Variants in IMMP2L observed in about 807,000 individuals in gnomAD.
IMMP2L encodes the protein inner mitochondrial membrane peptidase subunit 2.
Under a neutral mutation model 19.3 loss-of-function variants are expected in IMMP2L, and 18 were observed. The ratio of observed to expected loss-of-function variants is 0.93; its 90% CI spans 0.64 to 1.38. The LOEUF is 1.38. IMMP2L is among the 40% of genes most tolerant of loss of function. IMMP2L has a pLI of 0.00. For missense variants in IMMP2L, 233 were observed against 218.2 expected (o/e 1.07, Z -0.43); for synonymous variants, 76 against 73.0 (o/e 1.04, Z -0.21).
At chr7:111,322,490 A>G (rs187900958) in intron 3 of IMMP2L, among the ~76,000 whole-genome samples, 1 of 151,974 alleles carries the variant, frequency 6.6e-6, no homozygotes, top group Admixed American at 6.6e-5. Context: ...AAGGAACAGC[A>G]TAAGAATTCT....
chr7:111,408,540 A>G lies in IMMP2L; in HGVS notation c.239+78698T>C, dbSNP rs771239698. Among the ~76,000 whole-genome samples the G allele has an allele frequency of 3.4e-4, 52 of 151,788 alleles. 1 individual carries two copies. The highest frequency in any genetic ancestry group is 6.9e-4 in the Non-Finnish European group (47 of 67,898). On this transcript the variant is annotated intron_variant, in intron 3 of 5. Transcript: ENST00000405709. Reference sequence around the variant, plus strand: ...TGCATCATATCACAGAACTGCAAGCATATCATTTTGTTCCTGTAACTGAAA... The same window carrying G: ...TGCATCATATCACAGAACTGCAAGCGTATCATTTTGTTCCTGTAACTGAAA...
chr7:110,933,683 T>G (rs1409258521), intron 4 of IMMP2L, among the ~76,000 whole-genome samples: 2 of 152,178 alleles, frequency 1.3e-5, no homozygotes, highest in Non-Finnish European at 2.9e-5. Flanking sequence ...TCTCAAATCT[T>G]AATCCATGGA....
At chr7:110,720,492 T>TG (rs1795499539) in intron 5 of IMMP2L, among the ~76,000 whole-genome samples, 1 of 152,004 alleles carries the variant, frequency 6.6e-6, no homozygotes, top group African/African-American at 2.4e-5. Context: ...TGTCATAACT[T>TG]TGTGAGGTTT....
intron 5 of IMMP2L, among the ~76,000 whole-genome samples, chr7:110,732,304 A>G (rs1796322748): frequency 6.6e-6 from 1 of 152,232 alleles, no homozygotes; most frequent in Non-Finnish European, 1.5e-5. Context: ...TATTTCTTCC[A>G]TTGATTATTA....
At chr7:111,177,328 T>A (rs1807187693) in intron 3 of IMMP2L, among the ~76,000 whole-genome samples, 1 of 151,968 alleles carries the variant, frequency 6.6e-6, no homozygotes, top group South Asian at 2.1e-4. Context: ...CAGAGATGCA[T>A]ACTACATGCC....
intron 2 of IMMP2L, 45 bp from the exon 3 acceptor site, chr7:111,487,386 C>T (rs1389512538): frequency 8.7e-7 from 1 of 1,145,472 alleles, no homozygotes; most frequent in South Asian, 1.2e-5. Context: ...TTGTATTTTT[C>T]AATCTTCATG....
At chr7:111,556,984 C>T (rs1791441404) in intron 1 of IMMP2L, among the ~76,000 whole-genome samples, 2 of 152,078 alleles carry the variant, frequency 1.3e-5, no homozygotes, top group African/African-American at 2.4e-5. Flanking sequence ...TACCTTCTTC[C>T]TCTTCTCTTT....
At chr7:110,885,496 A>G (rs1345833392) in intron 5 of IMMP2L, among the ~76,000 whole-genome samples, 2 of 151,904 alleles carry the variant, frequency 1.3e-5, no homozygotes, top group African/African-American at 4.8e-5. Context: ...ATTATAAGCT[A>G]TTGCAGGGAT....
In IMMP2L at chr7:111,071,732, G is replaced by C. The variant is rs540187564; in HGVS notation, c.240-108167C>G. Among the ~76,000 whole-genome samples the C allele has an allele frequency of 5.3e-5, 8 of 152,196 alleles. No homozygotes were observed. The South Asian group carries it at 1.7e-3, about 32-fold the overall frequency. On this transcript the variant is annotated intron_variant, in intron 3 of 5. Transcript: ENST00000405709. ...TAGTTGCCAAGAGCAAGGGGAAAGGGAGAACAGGAAATAACTGCTTAATGG... is the reference window on the plus strand; with the variant it reads ...TAGTTGCCAAGAGCAAGGGGAAAGGCAGAACAGGAAATAACTGCTTAATGG...
At chr7:111,130,216 G>A (rs1016981914) in intron 3 of IMMP2L, among the ~76,000 whole-genome samples, 1 of 152,014 alleles carries the variant, frequency 6.6e-6, no homozygotes, top group African/African-American at 2.4e-5. Flanking sequence ...ATGTCAATAC[G>A]ACTTTTTCTT....
intron 3 of IMMP2L, among the ~76,000 whole-genome samples, chr7:111,180,145 C>T (rs1254578639): frequency 6.6e-6 from 1 of 152,038 alleles, no homozygotes; most frequent in East Asian, 1.9e-4. Flanking sequence ...CCTTCAAGAA[C>T]TTATCCTTTG....
At chr7:110,713,661 T>G (rs1019816246) in intron 5 of IMMP2L, among the ~76,000 whole-genome samples, 5 of 151,782 alleles carry the variant, frequency 3.3e-5, no homozygotes, top group African/African-American at 1.2e-4. Context: ...TGTTTTTTTT[T>G]TTTTTTAGTT....
chr7:111,233,501 TTAAA>T (rs1478094372), intron 3 of IMMP2L, among the ~76,000 whole-genome samples: 1 of 152,062 alleles, frequency 6.6e-6, no homozygotes, highest in East Asian at 1.9e-4. Context: ...ATTTCTGGTA[TTAAA>T]TGAATGAAAA....
intron 3 of IMMP2L, among the ~76,000 whole-genome samples, chr7:111,206,126 T>C (rs1256458508): frequency 6.6e-6 from 1 of 152,174 alleles, no homozygotes. Context: ...AAACCCTATC[T>C]TATTCTTACA....
At chr7:110,812,087 T>C (rs1389965201) in intron 5 of IMMP2L, among the ~76,000 whole-genome samples, 1 of 152,064 alleles carries the variant, frequency 6.6e-6, no homozygotes, top group Non-Finnish European at 1.5e-5. Flanking sequence ...TATAGATACA[T>C]ATATCCACAT....
chr7:111,475,656 T>G (rs1841652116), intron 3 of IMMP2L, among the ~76,000 whole-genome samples: 1 of 152,052 alleles, frequency 6.6e-6, no homozygotes, highest in Non-Finnish European at 1.5e-5. Flanking sequence ...ATTAGAATAT[T>G]AAAAACTCTA....
intron 3 of IMMP2L, among the ~76,000 whole-genome samples, chr7:111,252,562 G>A (rs1222513268): frequency 1.3e-5 from 2 of 152,114 alleles, no homozygotes; most frequent in Non-Finnish European, 2.9e-5. Context: ...ATTTGGAATG[G>A]GAAGCAGAGG....
At chr7:110,911,154 T>G (rs901123473) in intron 4 of IMMP2L, among the ~76,000 whole-genome samples, 2 of 152,104 alleles carry the variant, frequency 1.3e-5, no homozygotes, top group African/African-American at 4.8e-5. Context: ...ACATTAAAAT[T>G]AGAATACGTA....
intron 3 of IMMP2L, among the ~76,000 whole-genome samples, chr7:111,150,488 A>G (rs554263085): frequency 6.6e-6 from 1 of 152,102 alleles, no homozygotes; most frequent in African/African-American, 2.4e-5. Context: ...CAAACCTCCA[A>G]CTGAGTCCCT....
Sources: allele counts gnomAD v4.1 joint callset (sites outside exome capture counted in the v4.1 genomes callset), GRCh38; gene constraint gnomAD v4.1.1; transcripts MANE v1.5; gene names NCBI Gene and HGNC (gene_info 2026-07-23, HGNC 2026-07-21).